The following CTPS2 variants were observed in gnomAD, a reference collection of about 807,000 sequenced individuals.
The protein encoded by CTPS2 is CTP synthase 2.
In CTPS2, 19 loss-of-function variants were observed where a neutral mutation model predicts 46.8. The ratio of observed to expected loss-of-function variants is 0.41; its 90% CI spans 0.28 to 0.60. The LOEUF is 0.60. Among genes scored for constraint, CTPS2 ranks in the 20% least tolerant of loss-of-function variants. CTPS2 has a pLI of 0.35. For synonymous variants in CTPS2, 151 were observed against 165.2 expected, an observed-to-expected ratio of 0.91 and a Z score of 0.66; for missense variants, 286 against 447.6, an observed-to-expected ratio of 0.64 and a Z score of 3.26.
intron 14 of CTPS2, among the ~76,000 whole-genome samples, chrX:16,624,664 G>A (rs959596776): frequency 4.5e-5 from 5 of 112,048 alleles, no homozygotes; most frequent in East Asian, 2.8e-4. Context: ...TACACACCAC[G>A]TTCCTAAGAG....
intron 7 of CTPS2, among the ~76,000 whole-genome samples, chrX:16,690,342 G>A (rs1923594944): frequency 9.0e-6 from 1 of 110,501 alleles, no homozygotes; most frequent in African/African-American, 3.3e-5. Flanking sequence ...CTGCATTCCA[G>A]CCTGGGTGAC....
intron 17 of CTPS2, among the ~76,000 whole-genome samples, chrX:16,602,195 G>A: frequency 9.0e-6 from 1 of 111,448 alleles, no homozygotes; most frequent in South Asian, 3.8e-4. Context: ...GTACAACCAC[G>A]AAAGAGAGAA....
intron 13 of CTPS2, among the ~76,000 whole-genome samples, chrX:16,663,306 C>G (rs1933024442): frequency 9.0e-6 from 1 of 110,867 alleles, no homozygotes; most frequent in East Asian, 2.8e-4. Context: ...CCACCATGCC[C>G]AGGTAATTTT....
At chrX:16,615,613 A>G (rs1025936070) in intron 16 of CTPS2, among the ~76,000 whole-genome samples, 1 of 111,588 alleles carries the variant, frequency 9.0e-6, no homozygotes, top group Non-Finnish European at 1.9e-5. Flanking sequence ...GATGCTACAC[A>G]GAAAGGCCAA....
chrX:16,679,110 C>G (rs1922526896), intron 9 of CTPS2, among the ~76,000 whole-genome samples: 1 of 111,244 alleles, frequency 9.0e-6, no homozygotes, highest in South Asian at 3.8e-4. Flanking sequence ...GTAATCCCAG[C>G]ACTTTGGGAG....
At chrX:16,613,529 C>T (rs773464936) in intron 16 of CTPS2, among the ~76,000 whole-genome samples, 1 of 111,146 alleles carries the variant, frequency 9.0e-6, no homozygotes, top group East Asian at 2.8e-4. Context: ...GGAAGAAGAG[C>T]TAATATGTGA....
rs1444729762 is a variant in CTPS2, at chrX:16,698,316, C to T, written c.358G>A (p.Ala120Thr). Reference sequence around the variant, plus strand: ...TGATTCATAACCCACTCCTGGACAGCATCAGTAATGTGAGGGACAACTGTA... The same window carrying T: ...TGATTCATAACCCACTCCTGGACAGTATCAGTAATGTGAGGGACAACTGTA... ...TVQVVPHITD[A>T]VQEWVMNQAK... Residue 120 changes from alanine (A) to threonine (T), a missense_variant, in exon 4 of 19, where the codon GCT (alanine) becomes ACT (threonine). Transcript: ENST00000359276. The T allele has an allele frequency of 1.1e-5, 13 of 1,195,445 alleles. No individual in the cohort carries two copies. The South Asian group carries it at 2.0e-4, about 18-fold the overall frequency.
Position 16,622,748 on chromosome X carries a change from G to A in CTPS2, c.1394-2416C>T, listed in dbSNP as rs1032333231. On this transcript the variant is annotated intron_variant, in intron 14 of 18. Coordinates refer to ENST00000359276, the MANE Select transcript of CTPS2 (RefSeq NM_175859.3). ...TGCTGCCTGGCTTAAGGCAGACTCT[G>A]TATTTGCTAAGATATCTCAGAGGTG... 4.5e-5 allele frequency among the ~76,000 whole-genome samples: 5 copies of A among 111,844 alleles called. No individual in the cohort carries two copies. In the South Asian group the frequency reaches 1.1e-3, roughly 25 times the overall value.
At chrX:16,670,712 C>G in intron 10 of CTPS2, 38 bp from the exon 11 acceptor site, 3 of 1,023,748 alleles carry the variant, frequency 2.9e-6, no homozygotes, top group Non-Finnish European at 4.0e-6. Flanking sequence ...CTTGACTATC[C>G]ATTTTTTTTT....
intron 8 of CTPS2, among the ~76,000 whole-genome samples, chrX:16,687,461 C>T (rs1445708039): frequency 1.2e-4 from 8 of 65,901 alleles, no homozygotes; most frequent in Non-Finnish European, 1.8e-4. Context: ...GGCAACAGAG[C>T]AACACCCTGT....
In CTPS2 at chrX:16,590,767, CCATTATTCCCAGT is replaced by C. The variant is rs769328039; in HGVS notation, c.*13_*25del. 103 of 1,088,965 alleles carry C rather than the reference CCATTATTCCCAGT, an allele frequency of 9.5e-5. No homozygotes were observed. Among genetic ancestry groups the C allele is most frequent in the Admixed American group, 3.6e-4 (16 of 44,702 alleles). 89.7% of individuals were successfully genotyped at this position (1,088,965 alleles called of 1,213,427 possible). Reference sequence around the variant, plus strand: ...TCCATCTTACCCTCACAGGCAGTCCCCATTATTCCCAGTCATGTATTCATTTCAGCTTATTTCC... The same window carrying C: ...TCCATCTTACCCTCACAGGCAGTCCCCATGTATTCATTTCAGCTTATTTCC... On this transcript the variant is annotated 3_prime_UTR_variant, in exon 18 of 19. Transcript: ENST00000359276.
intron 2 of CTPS2, among the ~76,000 whole-genome samples, chrX:16,701,160 A>C (rs1236090710): frequency 8.9e-6 from 1 of 111,901 alleles, no homozygotes; most frequent in Non-Finnish European, 1.9e-5. Flanking sequence ...TTCACAAACA[A>C]AATCAAAATC....
At chrX:16,640,958 T>A (rs1255758855) in intron 13 of CTPS2, among the ~76,000 whole-genome samples, 1 of 111,853 alleles carries the variant, frequency 8.9e-6, no homozygotes, top group Non-Finnish European at 1.9e-5. Flanking sequence ...AGGGAAAGGG[T>A]GGAGAAGAAA....
Position 16,678,540 on chromosome X carries a change from A to C in CTPS2, c.1006-90T>G, listed in dbSNP as rs1922470057. 8 of 538,964 alleles carry C rather than the reference A, an allele frequency of 1.5e-5. No individual in the cohort carries two copies. The South Asian group carries it at 2.3e-4, about 16-fold the overall frequency. 44.4% of individuals were successfully genotyped at this position (538,964 alleles called of 1,213,427 possible). A position where few individuals can be genotyped will look rare whatever the true frequency, so the allele number is the denominator to read the frequency against. On this transcript the variant is annotated intron_variant, in intron 9 of 18. Transcript: ENST00000359276. ...CATCTAATACTATGACACATTATTC[A>C]ATAATTACTTATTATGCAAACACTG... is the stretch of plus-strand genomic sequence containing the variant.
At chrX:16,650,511 CTTTT>C (rs1167079038) in intron 13 of CTPS2, among the ~76,000 whole-genome samples, 1 of 77,206 alleles carries the variant, frequency 1.3e-5, no homozygotes. Flanking sequence ...TCTAAGATGT[CTTTT>C]TTTTTTTTTT....
intron 1 of CTPS2, among the ~76,000 whole-genome samples, chrX:16,705,758 G>A (rs917027945): frequency 2.7e-5 from 3 of 110,757 alleles, no homozygotes; most frequent in Non-Finnish European, 3.8e-5. Flanking sequence ...TTTAAAACGT[G>A]TGCTTCCCAG....
upstream of CTPS2, chrX:16,712,787 A>G (rs1925562128): frequency 8.9e-6 from 1 of 112,343 alleles, no homozygotes; most frequent in Admixed American, 9.4e-5. Flanking sequence ...GCTTCCTGGC[A>G]AGCCGAGACC....
chrX:16,670,747 T>C (rs1215661572), intron 10 of CTPS2, 73 bp from the exon 11 acceptor site: 1 of 685,456 alleles, frequency 1.5e-6, no homozygotes. Context: ...CAGCCATTCG[T>C]GCAATGCTTG....
Position 16,588,804 on chromosome X carries a change from C to T in CTPS2, c.*1013G>A, listed in dbSNP as rs1928744521. Reference sequence around the variant, plus strand: ...GTTGCTCAACATCAGTGAATGCAACCAAATTGTTCACTTCAAAATGGTTAA... The same window carrying T: ...GTTGCTCAACATCAGTGAATGCAACTAAATTGTTCACTTCAAAATGGTTAA... On this transcript the variant is annotated 3_prime_UTR_variant, in exon 19 of 19. Transcript: ENST00000359276. The T allele has an allele frequency of 8.9e-6, 1 of 111,906 alleles. No individual in the cohort carries two copies. Among genetic ancestry groups the T allele is most frequent in the African/African-American group, 3.2e-5 (1 of 30,781 alleles). The allele number at this position is 111,906 out of a possible 1,213,427, so 9.2% of individuals were successfully genotyped here.
Sources: allele counts gnomAD v4.1 joint callset (sites outside exome capture counted in the v4.1 genomes callset), GRCh38; gene constraint gnomAD v4.1.1; transcripts MANE v1.5; gene names NCBI Gene and HGNC (gene_info 2026-07-23, HGNC 2026-07-21).